ADGRB3: variants seen among roughly 807,000 people sequenced by gnomAD.
The protein encoded by ADGRB3 is brain-specific angiogenesis inhibitor 3.
A neutral mutation model predicts 193.4 loss-of-function variants in ADGRB3; 37 were observed. That is an observed-to-expected ratio of 0.19 (90% CI 0.15 to 0.25). The LOEUF (loss-of-function observed/expected upper bound fraction) is 0.25, where lower values mean the gene tolerates loss of function less well. Among genes scored for constraint, ADGRB3 ranks in the 10% least tolerant of loss-of-function variants. The pLI is 1.00. For synonymous variants in ADGRB3, 690 were observed against 644.2 expected, an observed-to-expected ratio of 1.07 and a Z score of -1.08; for missense variants, 1,637 against 1,852.9, an observed-to-expected ratio of 0.88 and a Z score of 2.14.
chr6:68,771,783 A>G (rs1766622849), intron 3 of ADGRB3, among the ~76,000 whole-genome samples: 1 of 152,052 alleles, frequency 6.6e-6, no homozygotes, highest in South Asian at 2.1e-4. Flanking sequence ...GTGGGTAGGG[A>G]AGGGGTTTTC....
At chr6:69,233,164 GA>G in intron 17 of ADGRB3, 125 bp from the exon 18 acceptor site, 1 of 1,226,792 alleles carries the variant, frequency 8.2e-7, no homozygotes, top group Non-Finnish European at 1.1e-6. Context: ...ACAACAAGTA[GA>G]TTTTTTTTTC....
chr6:69,217,178 G>A (rs370310959), intron 17 of ADGRB3, among the ~76,000 whole-genome samples: 7 of 152,176 alleles, frequency 4.6e-5, no homozygotes, highest in South Asian at 2.1e-4. Context: ...CAAAAGAGTC[G>A]TAAATAAAGG....
chr6:69,138,417 A>G (rs1159941497), intron 17 of ADGRB3, among the ~76,000 whole-genome samples: 1 of 152,220 alleles, frequency 6.6e-6, no homozygotes, highest in African/African-American at 2.4e-5. Flanking sequence ...TCATTTTATC[A>G]TAACAGGTTA....
intron 4 of ADGRB3, among the ~76,000 whole-genome samples, chr6:68,936,179 A>T (rs897582060): frequency 3.3e-5 from 5 of 152,186 alleles, no homozygotes; most frequent in African/African-American, 1.2e-4. Flanking sequence ...TTCCTTTTCC[A>T]TCAAAATACA....
At chr6:68,720,007 T>C (rs1765549540) in intron 3 of ADGRB3, among the ~76,000 whole-genome samples, 1 of 151,718 alleles carries the variant, frequency 6.6e-6, no homozygotes, top group Non-Finnish European at 1.5e-5. Flanking sequence ...TTTAGGTAAT[T>C]ACCATTGTTC....
At chr6:69,383,720 C>A (rs1234066439) in intron 31 of ADGRB3, among the ~76,000 whole-genome samples, 1 of 151,956 alleles carries the variant, frequency 6.6e-6, no homozygotes, top group Admixed American at 6.6e-5. Flanking sequence ...GTATATCTTC[C>A]GTCATTACAA....
intron 3 of ADGRB3, among the ~76,000 whole-genome samples, chr6:68,752,631 A>G (rs1290985992): frequency 6.6e-6 from 1 of 152,150 alleles, no homozygotes; most frequent in Non-Finnish European, 1.5e-5. Flanking sequence ...TAAGAAGTAC[A>G]TAGACTGAAT....
At chr6:69,304,929 C>T (rs1768032333) in intron 20 of ADGRB3, among the ~76,000 whole-genome samples, 1 of 151,526 alleles carries the variant, frequency 6.6e-6, no homozygotes, top group African/African-American at 2.4e-5. Flanking sequence ...AATTTTCAAA[C>T]ATTTAGGATG....
intron 3 of ADGRB3, among the ~76,000 whole-genome samples, chr6:68,741,960 C>A (rs552024381): frequency 1.3e-5 from 2 of 152,254 alleles, no homozygotes; most frequent in African/African-American, 4.8e-5. Context: ...TGGGAAAATT[C>A]ATAAAAACTT....
intron 13 of ADGRB3, among the ~76,000 whole-genome samples, chr6:69,044,035 C>T (rs1008858713): frequency 4.6e-5 from 7 of 151,470 alleles, no homozygotes; most frequent in South Asian, 2.1e-4. Flanking sequence ...AGCGAGACTC[C>T]GTCTCAAAAA....
At chr6:68,737,260 C>A (rs1765890234) in intron 3 of ADGRB3, among the ~76,000 whole-genome samples, 1 of 152,078 alleles carries the variant, frequency 6.6e-6, no homozygotes, top group African/African-American at 2.4e-5. Flanking sequence ...TCTCCACATC[C>A]TTCATAGCAC....
chr6:68,856,034 T>C (rs1764977754), intron 3 of ADGRB3, among the ~76,000 whole-genome samples: 1 of 152,138 alleles, frequency 6.6e-6, no homozygotes, highest in Non-Finnish European at 1.5e-5. Context: ...TCTGATGTTT[T>C]TAAAAATGGG....
intron 3 of ADGRB3, among the ~76,000 whole-genome samples, chr6:68,739,726 G>A (rs1023125807): frequency 1.3e-5 from 2 of 152,118 alleles, no homozygotes; most frequent in African/African-American, 4.8e-5. Flanking sequence ...TTTCTAAAAA[G>A]AAAATTACTG....
rs560842373 is a variant in ADGRB3 at position 69,182,216 on chromosome 6, A to G, written c.2481-51074A>G. On this transcript the variant is annotated intron_variant, in intron 17 of 31. Transcript: ENST00000370598. ...CAAAAATCATAAGTAAACATAAACT[A>G]TGGCATAGAGAAAAATTGCAGAGTA... 3.3e-5 allele frequency among the ~76,000 whole-genome samples: 5 copies of G among 152,304 alleles called. No homozygotes were observed. The South Asian group carries it at 1.0e-3, about 32-fold the overall frequency.
At chr6:68,906,340 ATT>A (rs1005746991) in intron 3 of ADGRB3, among the ~76,000 whole-genome samples, 4 of 151,878 alleles carry the variant, frequency 2.6e-5, no homozygotes, top group African/African-American at 7.2e-5. Context: ...TACCATATAT[ATT>A]GAAGGTATAC....
At chr6:68,699,809 C>T (rs1765212664) in intron 3 of ADGRB3, among the ~76,000 whole-genome samples, 1 of 151,260 alleles carries the variant, frequency 6.6e-6, no homozygotes, top group East Asian at 2.0e-4. Context: ...TTCACCCAAG[C>T]AGTAGGTGGG....
chr6:69,208,194 G>T (rs6926984), intron 17 of ADGRB3, among the ~76,000 whole-genome samples: 9,779 of 152,200 alleles, frequency 0.064, 845 homozygotes, highest in African/African-American at 0.18. Context: ...GGGGAAAGAG[G>T]CTGAGTGATG....
At chr6:69,168,408 A>G (rs1775185309) in intron 17 of ADGRB3, among the ~76,000 whole-genome samples, 1 of 152,188 alleles carries the variant, frequency 6.6e-6, no homozygotes, top group Non-Finnish European at 1.5e-5. Context: ...TAGTTAACGT[A>G]AGGTCATACT....
At chr6:68,934,761 A>G (rs185332877) in intron 4 of ADGRB3, among the ~76,000 whole-genome samples, 49 of 152,354 alleles carry the variant, frequency 3.2e-4, no homozygotes, top group Non-Finnish European at 5.7e-4. Flanking sequence ...TTTGGTTTAT[A>G]GAATAATGAT....
Sources: allele counts gnomAD v4.1 joint callset (sites outside exome capture counted in the v4.1 genomes callset), GRCh38; gene constraint gnomAD v4.1.1; transcripts MANE v1.5; gene names NCBI Gene and HGNC (gene_info 2026-07-23, HGNC 2026-07-21).